AGBL4: variants seen among roughly 807,000 people sequenced by gnomAD.
AGBL4 encodes the protein AGBL carboxypeptidase 4.
Under a neutral mutation model 66.4 loss-of-function variants are expected in AGBL4, and 58 were observed. The observed-to-expected ratio is 0.87, with a 90% CI of 0.71 to 1.09. The LOEUF is 1.09. AGBL4 is among the 50% of genes least tolerant of loss of function. The probability of loss-of-function intolerance (pLI) is 0.00; values close to 1 mark genes in which losing one functional copy is unlikely to be tolerated. For synonymous variants in AGBL4, 234 were observed against 222.9 expected (o/e 1.05, Z -0.44); for missense variants, 579 against 631.0 (o/e 0.92, Z 0.88).
intron 5 of AGBL4, among the ~76,000 whole-genome samples, chr1:48,907,043 T>C (rs1652661960): frequency 6.6e-6 from 1 of 152,222 alleles, no homozygotes; most frequent in South Asian, 2.1e-4. Context: ...TTAAACTTTC[T>C]GTATCTTGCT....
At chr1:49,467,246 AC>A (rs2148707412) in intron 3 of AGBL4, among the ~76,000 whole-genome samples, 1 of 151,964 alleles carries the variant, frequency 6.6e-6, no homozygotes, top group South Asian at 2.1e-4. Context: ...CAGAAATAGA[AC>A]TATAAATAGT....
At chr1:48,887,439 A>G (rs1650475501) in intron 5 of AGBL4, among the ~76,000 whole-genome samples, 2 of 152,138 alleles carry the variant, frequency 1.3e-5, no homozygotes, top group Admixed American at 6.5e-5. Context: ...AGGCAAGCAC[A>G]TGACAGGTAA....
chr1:49,155,823 C>A (rs1646419156), intron 4 of AGBL4, among the ~76,000 whole-genome samples: 1 of 152,198 alleles, frequency 6.6e-6, no homozygotes, highest in Non-Finnish European at 1.5e-5. Context: ...ACATGATCTT[C>A]CTGGCTGATC....
chr1:49,359,179 G>T (rs1457110167), intron 3 of AGBL4, among the ~76,000 whole-genome samples: 1 of 152,154 alleles, frequency 6.6e-6, no homozygotes, highest in Non-Finnish European at 1.5e-5. Context: ...AATTACACTG[G>T]AATGGGTTGA....
At chr1:49,568,249 C>T (rs967574094) in intron 3 of AGBL4, among the ~76,000 whole-genome samples, 2 of 152,132 alleles carry the variant, frequency 1.3e-5, no homozygotes, top group Non-Finnish European at 2.9e-5. Flanking sequence ...ACTGCATAGT[C>T]TTGGACCAAA....
chr1:48,549,779 G>A (rs1235809116), intron 11 of AGBL4, among the ~76,000 whole-genome samples: 2 of 151,922 alleles, frequency 1.3e-5, no homozygotes, highest in Non-Finnish European at 2.9e-5. Flanking sequence ...TGAAAGAGGT[G>A]TGAGAGAGAT....
At position 48,736,168 on chromosome 1, in the gene AGBL4, T is replaced by C. The variant is rs541574589; in HGVS notation, c.635-72927A>G. The C allele has an allele frequency of 4.0e-6, 6 of 1,502,434 alleles. No individual in the cohort carries two copies. In the East Asian group the frequency reaches 6.8e-5, roughly 17 times the overall value. The allele number at this position is 1,502,434 out of a possible 1,614,324, so 93.1% of individuals were successfully genotyped here. A position where few individuals can be genotyped will look rare whatever the true frequency, so the allele number is the denominator to read the frequency against. On this transcript the variant is annotated intron_variant, in intron 6 of 13. Transcript: ENST00000371839. The surrounding 1 kb of genome is among the most constrained non-coding windows in gnomAD (Gnocchi z 4.0). ...CTTCATAAGTAATCGTTGAATTGAATTGTGCCTAACACATTCTTGACAGAG... is the reference window on the plus strand; with the variant it reads ...CTTCATAAGTAATCGTTGAATTGAACTGTGCCTAACACATTCTTGACAGAG...
chr1:49,401,515 T>A (rs957517746), intron 3 of AGBL4, among the ~76,000 whole-genome samples: 1 of 152,248 alleles, frequency 6.6e-6, no homozygotes, highest in African/African-American at 2.4e-5. Context: ...CGATAATTCC[T>A]ACTTGTTCAT....
intron 12 of AGBL4, among the ~76,000 whole-genome samples, chr1:48,538,011 A>G (rs1030075728): frequency 1.3e-5 from 2 of 152,178 alleles, no homozygotes; most frequent in Non-Finnish European, 2.9e-5. Context: ...CGTATGCACA[A>G]TGCAGGACAG....
chr1:49,758,759 A>G (rs1360194827), intron 2 of AGBL4, among the ~76,000 whole-genome samples: 5 of 151,334 alleles, frequency 3.3e-5, no homozygotes, highest in Admixed American at 1.3e-4. Flanking sequence ...CTTCTCTCAG[A>G]TAAAACTTTG....
intron 3 of AGBL4, among the ~76,000 whole-genome samples, chr1:49,617,226 A>C (rs1383048884): frequency 1.3e-5 from 2 of 152,112 alleles, no homozygotes; most frequent in Non-Finnish European, 2.9e-5. Context: ...CAGTCATGCT[A>C]TCACTCAAGA....
At chr1:49,912,118 C>T (rs1164109934) in intron 1 of AGBL4, among the ~76,000 whole-genome samples, 2 of 152,220 alleles carry the variant, frequency 1.3e-5, no homozygotes, top group East Asian at 1.9e-4. Flanking sequence ...AAGAGATGGG[C>T]TCCCCAGCCT....
chr1:49,067,105 T>C (rs919129870), intron 4 of AGBL4, among the ~76,000 whole-genome samples: 5 of 152,096 alleles, frequency 3.3e-5, no homozygotes, highest in African/African-American at 7.2e-5. Flanking sequence ...AGTGCTGTGA[T>C]AGAAGTGTGT....
chr1:49,897,449 T>C (rs1349269397), intron 1 of AGBL4, among the ~76,000 whole-genome samples: 2 of 151,876 alleles, frequency 1.3e-5, no homozygotes, highest in Non-Finnish European at 2.9e-5. Context: ...ATTTAAAAAA[T>C]TGAAGAGGAC....
intron 8 of AGBL4, among the ~76,000 whole-genome samples, chr1:48,643,355 C>A (rs319946): frequency 7.0e-4 from 106 of 152,032 alleles, no homozygotes; most frequent in East Asian, 4.1e-3. Flanking sequence ...TTAGCTGGCA[C>A]CTTTGTGTGG....
chr1:49,071,656 G>C (rs773153827), intron 4 of AGBL4, among the ~76,000 whole-genome samples: 1 of 151,822 alleles, frequency 6.6e-6, no homozygotes, highest in Non-Finnish European at 1.5e-5. Flanking sequence ...GGAGTGTGTT[G>C]CTTCCAATCA....
chr1:49,079,664 C>A (rs1196488648), intron 4 of AGBL4, among the ~76,000 whole-genome samples: 1 of 152,162 alleles, frequency 6.6e-6, no homozygotes. Flanking sequence ...GGTAAGTGGG[C>A]TTACTCTGAA....
chr1:48,878,547 C>T (rs1649442361), intron 5 of AGBL4, among the ~76,000 whole-genome samples: 1 of 152,150 alleles, frequency 6.6e-6, no homozygotes, highest in South Asian at 2.1e-4. Flanking sequence ...AGTCTTCCCT[C>T]CTGTCTTTCT....
intron 5 of AGBL4, among the ~76,000 whole-genome samples, chr1:48,883,843 A>C (rs1650026300): frequency 6.6e-6 from 1 of 152,244 alleles, no homozygotes; most frequent in Non-Finnish European, 1.5e-5. Flanking sequence ...GTAGCTACTT[A>C]GAGTTGCTGG....
Sources: gnomAD v4.1 joint callset for allele counts (sites outside exome capture counted in the v4.1 genomes callset) on GRCh38, gnomAD v4.1.1 for gene constraint, Gnocchi (gnomAD v3.1) non-coding constraint, MANE v1.5 for transcripts, NCBI Gene and HGNC (gene_info 2026-07-23, HGNC 2026-07-21) for gene names.